ARFGEF3: variants seen among roughly 807,000 people sequenced by gnomAD.
The protein encoded by ARFGEF3 is ARFGEF family member 3.
Under a neutral mutation model 221.7 loss-of-function variants are expected in ARFGEF3, and 96 were observed. The observed-to-expected ratio is 0.43, with a 90% CI of 0.37 to 0.51. ARFGEF3 has a LOEUF of 0.51. Ranked by LOEUF, ARFGEF3 falls within the 20% of genes least tolerant of loss-of-function variation. ARFGEF3 has a pLI of 0.00. For missense variants in ARFGEF3, 2,410 were observed against 2,789.9 expected (o/e 0.86, Z 3.07); for synonymous variants, 1,145 against 1,126.8 (o/e 1.02, Z -0.32).
intron 5 of ARFGEF3, among the ~76,000 whole-genome samples, chr6:138,236,322 G>A (rs894461984): frequency 5.9e-5 from 9 of 152,176 alleles, no homozygotes; most frequent in Non-Finnish European, 1.3e-4. Flanking sequence ...GATTTCTGGG[G>A]AAAATGTAAG....
chr6:138,286,881 G>A lies in ARFGEF3; in HGVS notation c.2750G>A (p.Gly917Glu). 6.2e-7 allele frequency: 1 copy of A among 1,613,506 alleles called. No homozygotes were observed. Among genetic ancestry groups the A allele is most frequent in the Non-Finnish European group, 8.5e-7 (1 of 1,179,908 alleles). ...ERDAICMSLD[G>E]LRKAARLSCA... The stretch of plus-strand genomic sequence containing the variant: ...GACGCCATCTGCATGAGCCTCGACG[G>A]GCTGCGGAAAGCCGCACGGCTGAGC... Residue 917 changes from glycine to glutamate, a missense_variant, in exon 16 of 34, where the codon GGG becomes GAG. Physicochemically the swap from Gly to Glu is moderately conservative, Grantham distance 98. This residue lies in a region of ARFGEF3 where 594 missense variants were observed against 734.3 expected (regional missense o/e 0.81). Coordinates refer to ENST00000251691, the MANE Select transcript of ARFGEF3 (RefSeq NM_020340.5).
intron 2 of ARFGEF3, among the ~76,000 whole-genome samples, chr6:138,171,744 CACG>C (rs1055585489): frequency 2.0e-5 from 3 of 151,946 alleles, no homozygotes; most frequent in Non-Finnish European, 4.4e-5. Flanking sequence ...AAATTTTATT[CACG>C]ACTTTGTTGC....
chr6:138,277,576 CA>C (rs2114614643), intron 12 of ARFGEF3, among the ~76,000 whole-genome samples: 1 of 152,224 alleles, frequency 6.6e-6, no homozygotes, highest in East Asian at 1.9e-4. Context: ...CTTTTCTAAA[CA>C]TCTTACATGC....
chr6:138,283,096 G>A (rs1779227302), intron 14 of ARFGEF3, among the ~76,000 whole-genome samples: 1 of 152,010 alleles, frequency 6.6e-6, no homozygotes, highest in Admixed American at 6.6e-5. Flanking sequence ...AAATGTATGA[G>A]AGCCATTTAT....
chr6:138,168,199 GATAA>G (rs564991640), intron 1 of ARFGEF3, among the ~76,000 whole-genome samples: 55 of 152,204 alleles, frequency 3.6e-4, no homozygotes, highest in African/African-American at 1.3e-3. Context: ...CAGTAATCAA[GATAA>G]ATAAATAAAA....
rs184977140 is a variant in ARFGEF3, at chr6:138,342,806, A to T, written c.*6320A>T. Reference sequence around the variant, plus strand: ...TAGCCATTTGAGATGAGATGAGACTACTTGTTGTACCTTCATCTTTCATTT... The same window carrying T: ...TAGCCATTTGAGATGAGATGAGACTTCTTGTTGTACCTTCATCTTTCATTT... On this transcript the variant is annotated 3_prime_UTR_variant, in exon 34 of 34. Transcript: ENST00000251691. 26 of 152,298 alleles carry T rather than the reference A, an allele frequency of 1.7e-4. No homozygotes were observed. The highest frequency in any genetic ancestry group is 6.0e-4 in the African/African-American group (25 of 41,568). 9.4% of individuals were successfully genotyped at this position (152,298 alleles called of 1,614,324 possible).
intron 2 of ARFGEF3, 85 bp from the exon 3 acceptor site, chr6:138,206,957 T>G: frequency 2.1e-6 from 2 of 961,704 alleles, no homozygotes; most frequent in Middle Eastern, 2.1e-4. Context: ...TAGTGGCATT[T>G]GGGGGTGGGT....
rs1779399829 is a variant in ARFGEF3 at position 138,291,287 on chromosome 6, C to T, written c.3048-446C>T. Among the ~76,000 whole-genome samples, 1 of 151,372 alleles carries T rather than the reference C, an allele frequency of 6.6e-6. No homozygotes were observed. The highest frequency in any genetic ancestry group is 1.5e-5 in the Non-Finnish European group (1 of 68,042). On this transcript the variant is annotated intron_variant, in intron 18 of 33. Transcript: ENST00000251691. The surrounding 1 kb of genome is among the most constrained non-coding windows in gnomAD (Gnocchi z 4.5). ...GCAGAACCCACTGTGGCTAGTTGGCCTCTCCGTCATAGGTATAGCCATTCT... is the reference window on the plus strand; with the variant it reads ...GCAGAACCCACTGTGGCTAGTTGGCTTCTCCGTCATAGGTATAGCCATTCT...
chr6:138,313,405 T>C (rs575709715), intron 25 of ARFGEF3, among the ~76,000 whole-genome samples: 1 of 152,304 alleles, frequency 6.6e-6, no homozygotes, highest in Admixed American at 6.5e-5. Flanking sequence ...AATCAGAGTC[T>C]GGTATCTCAT....
intron 2 of ARFGEF3, among the ~76,000 whole-genome samples, chr6:138,192,767 G>T (rs956596859): frequency 3.3e-5 from 5 of 152,326 alleles, no homozygotes; most frequent in Non-Finnish European, 7.3e-5. Context: ...CTTCTTATCA[G>T]ATCATTCTAA....
chr6:138,167,537 C>T (rs1582991345), intron 1 of ARFGEF3, among the ~76,000 whole-genome samples: 1 of 152,176 alleles, frequency 6.6e-6, no homozygotes, highest in East Asian at 1.9e-4. Flanking sequence ...GATGTCATCA[C>T]CTGTCCAGTT....
chr6:138,201,269 T>G (rs938654798), intron 2 of ARFGEF3, among the ~76,000 whole-genome samples: 1 of 152,206 alleles, frequency 6.6e-6, no homozygotes, highest in African/African-American at 2.4e-5. Context: ...GGATATTCCT[T>G]GAGGAACTAA....
At chr6:138,320,826 T>G (rs1780010061) in intron 28 of ARFGEF3, among the ~76,000 whole-genome samples, 2 of 152,206 alleles carry the variant, frequency 1.3e-5, no homozygotes. Flanking sequence ...AGTGTGAGAC[T>G]GTGATACTGC....
At chr6:138,224,319 A>G (rs2114523346) in intron 4 of ARFGEF3, among the ~76,000 whole-genome samples, 1 of 152,330 alleles carries the variant, frequency 6.6e-6, no homozygotes, top group East Asian at 1.9e-4. Context: ...CCCCATCCAC[A>G]GCGAGGTCCT....
intron 14 of ARFGEF3, among the ~76,000 whole-genome samples, chr6:138,285,703 G>A (rs879390233): frequency 3.2e-4 from 49 of 152,128 alleles, no homozygotes; most frequent in Non-Finnish European, 4.6e-4. Flanking sequence ...AATTTATAAT[G>A]TACATCTATT....
intron 3 of ARFGEF3, among the ~76,000 whole-genome samples, 163 bp from the exon 4 acceptor site, chr6:138,209,747 G>T (rs1002719168): frequency 6.6e-6 from 1 of 152,004 alleles, no homozygotes; most frequent in Non-Finnish European, 1.5e-5. Context: ...TGCCCTGGCC[G>T]CATTTTTCTT....
At chr6:138,216,028 G>C (rs1269761263) in intron 4 of ARFGEF3, 3 of 151,632 alleles carry the variant, frequency 2.0e-5, no homozygotes, top group Non-Finnish European at 4.4e-5. Context: ...GCCCAGGCTG[G>C]AGTGCAATAG....
rs1776621461 is a variant in ARFGEF3 at position 138,161,992 on chromosome 6, C to T, written c.-95C>T. The T allele has an allele frequency of 6.0e-6, 4 of 671,842 alleles. No individual in the cohort carries two copies. The highest frequency in any genetic ancestry group is 8.3e-6 in the Non-Finnish European group (4 of 483,724). 41.6% of individuals were successfully genotyped at this position (671,842 alleles called of 1,614,324 possible). A position where few individuals can be genotyped will look rare whatever the true frequency, so the allele number is the denominator to read the frequency against. ...GCATGGGGGCGCGCGCGGCGGCCGCCTAGGCGCCCAGGGCCAGGCAGCGGC... is the reference window on the plus strand; with the variant it reads ...GCATGGGGGCGCGCGCGGCGGCCGCTTAGGCGCCCAGGGCCAGGCAGCGGC... On this transcript the variant is annotated 5_prime_UTR_variant, in exon 1 of 34. Coordinates refer to ENST00000251691, the MANE Select transcript of ARFGEF3 (RefSeq NM_020340.5).
intron 8 of ARFGEF3, among the ~76,000 whole-genome samples, chr6:138,250,985 TAGTGG>T (rs1778572467): frequency 6.6e-6 from 1 of 152,236 alleles, no homozygotes; most frequent in Non-Finnish European, 1.5e-5. Context: ...TGTGTGTATC[TAGTGG>T]AAGGTGCTTA....
Sources: allele counts gnomAD v4.1 joint callset (sites outside exome capture counted in the v4.1 genomes callset), GRCh38; gene constraint gnomAD v4.1.1; regional missense constraint gnomAD v4.1.1; non-coding constraint Gnocchi (gnomAD v3.1); transcripts MANE v1.5; gene names NCBI Gene and HGNC (gene_info 2026-07-23, HGNC 2026-07-21).